The following TTLL5 variants were observed in gnomAD, a reference collection of about 807,000 sequenced individuals.
The protein encoded by TTLL5 is tubulin tyrosine ligase like 5.
In TTLL5, 132 loss-of-function variants were observed where a neutral mutation model predicts 168.4. The observed-to-expected ratio is 0.78, with a 90% CI of 0.68 to 0.91. TTLL5 has a LOEUF of 0.91. Ranked by LOEUF, TTLL5 falls within the 40% of genes least tolerant of loss-of-function variation. The pLI, the probability that TTLL5 is intolerant of heterozygous loss-of-function variation, is 0.00. For synonymous variants in TTLL5, 546 were observed against 558.6 expected (o/e 0.98, Z 0.32); for missense variants, 1,545 against 1,581.5 (o/e 0.98, Z 0.39).
intron 29 of TTLL5, among the ~76,000 whole-genome samples, chr14:75,864,379 A>G (rs927651196): frequency 6.6e-6 from 1 of 152,224 alleles, no homozygotes; most frequent in African/African-American, 2.4e-5. Context: ...AATGATAGCT[A>G]TTCATTCAAC....
chr14:75,796,427 A>C (rs2140358277), intron 27 of TTLL5, among the ~76,000 whole-genome samples: 1 of 152,110 alleles, frequency 6.6e-6, no homozygotes, highest in East Asian at 1.9e-4. Context: ...TTTTAGTTTA[A>C]TTAAATTCTA....
At chr14:75,917,783 G>A (rs993167176) in intron 31 of TTLL5, among the ~76,000 whole-genome samples, 9 of 152,212 alleles carry the variant, frequency 5.9e-5, no homozygotes, top group Non-Finnish European at 1.3e-4. Context: ...TGCAGCAGAG[G>A]GTGGAGCTGA....
At chr14:75,664,908 G>C (rs1401762608) in intron 2 of TTLL5, among the ~76,000 whole-genome samples, 1 of 152,136 alleles carries the variant, frequency 6.6e-6, no homozygotes, top group Non-Finnish European at 1.5e-5. Context: ...ATGTTAGATT[G>C]AACTATATGA....
chr14:75,732,486 T>C, intron 13 of TTLL5, 67 bp downstream of exon 13: 3 of 1,357,868 alleles, frequency 2.2e-6, no homozygotes, highest in Non-Finnish European at 3.1e-6. Context: ...TTTTTTTTTT[T>C]TGATCATTTC....
chr14:75,868,169 A>T (rs949065839), intron 29 of TTLL5, among the ~76,000 whole-genome samples: 49 of 151,638 alleles, frequency 3.2e-4, no homozygotes, highest in African/African-American at 1.2e-3. Flanking sequence ...CTCCCAACCC[A>T]CTCCCTGCTT....
At chr14:75,811,156 A>AGAGAGTGT (rs60194482) in intron 27 of TTLL5, among the ~76,000 whole-genome samples, 2,513 of 116,584 alleles carry the variant, frequency 0.022, 74 homozygotes, top group East Asian at 0.12. Context: ...TGAAAGAAAG[A>AGAGAGTGT]GTGTGTGTGT....
At chr14:75,817,988 C>A (rs1466236732) in intron 27 of TTLL5, among the ~76,000 whole-genome samples, 1 of 151,722 alleles carries the variant, frequency 6.6e-6, no homozygotes, top group Non-Finnish European at 1.5e-5. Flanking sequence ...CAGGTGCCCG[C>A]CACCACGCCC....
intron 27 of TTLL5, among the ~76,000 whole-genome samples, chr14:75,793,956 G>A (rs757019641): frequency 6.6e-5 from 10 of 152,056 alleles, no homozygotes; most frequent in Non-Finnish European, 1.2e-4. Context: ...ATCAAGTCTC[G>A]AAAAAAGTGA....
At chr14:75,872,001 A>G (rs2031075873) in intron 29 of TTLL5, among the ~76,000 whole-genome samples, 2 of 152,262 alleles carry the variant, frequency 1.3e-5, no homozygotes, top group South Asian at 4.1e-4. Flanking sequence ...CGTTAGGAGA[A>G]CGGGGCCCTG....
intron 27 of TTLL5, among the ~76,000 whole-genome samples, chr14:75,812,839 C>G (rs1222707831): frequency 6.6e-6 from 1 of 152,086 alleles, no homozygotes; most frequent in Non-Finnish European, 1.5e-5. Flanking sequence ...CTTGAAAATG[C>G]AAATTTTGGT....
In TTLL5 at chr14:75,902,313, C is replaced by A. The variant is rs142299976; in HGVS notation, c.3823+89C>A. 963 of 1,313,838 alleles carry A rather than the reference C, an allele frequency of 7.3e-4. 4 individuals carry two copies. In the East Asian group the frequency reaches 9.5e-3, roughly 13 times the overall value. 81.4% of individuals were successfully genotyped at this position (1,313,838 alleles called of 1,614,324 possible). A position where few individuals can be genotyped will look rare whatever the true frequency, so the allele number is the denominator to read the frequency against. On this transcript the variant is annotated intron_variant, in intron 31 of 31. Coordinates refer to ENST00000298832, the MANE Select transcript of TTLL5 (RefSeq NM_015072.5). ...TTCTCTCTTCTGCCTCCAAAGAGAGCCCCAGTTCAAAGAATGAAACATCTA... is the reference window on the plus strand; with the variant it reads ...TTCTCTCTTCTGCCTCCAAAGAGAGACCCAGTTCAAAGAATGAAACATCTA...
At chr14:75,942,266 G>A (rs1191618413) in intron 31 of TTLL5, among the ~76,000 whole-genome samples, 6 of 152,154 alleles carry the variant, frequency 3.9e-5, no homozygotes, top group African/African-American at 4.8e-5. Flanking sequence ...ACAGATTGCC[G>A]CTTACCACAT....
intron 5 of TTLL5, among the ~76,000 whole-genome samples, chr14:75,686,485 A>G (rs1185782119): frequency 6.6e-6 from 1 of 152,176 alleles, no homozygotes; most frequent in Non-Finnish European, 1.5e-5. Flanking sequence ...GCTAGTGATG[A>G]TAAGAGTTCC....
chr14:75,942,054 G>A (rs1020648527), intron 31 of TTLL5, among the ~76,000 whole-genome samples: 2 of 151,780 alleles, frequency 1.3e-5, no homozygotes, highest in Non-Finnish European at 2.9e-5. Context: ...GTGGTGGCTG[G>A]TGCCTGTAGT....
At chr14:75,694,078 T>C (rs1885651347) in intron 6 of TTLL5, among the ~76,000 whole-genome samples, 1 of 152,222 alleles carries the variant, frequency 6.6e-6, no homozygotes, top group Non-Finnish European at 1.5e-5. Flanking sequence ...CTGTAGGAAC[T>C]GGAAAGCACT....
At chr14:75,872,856 A>G (rs188269350) in intron 29 of TTLL5, among the ~76,000 whole-genome samples, 6 of 150,404 alleles carry the variant, frequency 4.0e-5, no homozygotes, top group African/African-American at 1.5e-4. Flanking sequence ...GGTTGCAGTG[A>G]GCCAAGATCG....
At chr14:75,901,667 C>T (rs765995465) in intron 30 of TTLL5, among the ~76,000 whole-genome samples, 3 of 152,194 alleles carry the variant, frequency 2.0e-5, no homozygotes, top group Admixed American at 2.0e-4. Context: ...GTTGGGTGTC[C>T]CTGGTTGGCT....
intron 30 of TTLL5, among the ~76,000 whole-genome samples, chr14:75,901,452 CTG>C (rs2032917885): frequency 6.6e-6 from 1 of 152,210 alleles, no homozygotes; most frequent in Non-Finnish European, 1.5e-5. Context: ...CAGATATACT[CTG>C]TCATATCTCT....
chr14:75,774,948 C>T (rs751069646), intron 21 of TTLL5, among the ~76,000 whole-genome samples: 2 of 152,098 alleles, frequency 1.3e-5, no homozygotes, highest in Non-Finnish European at 2.9e-5. Flanking sequence ...CTCAGCTTCC[C>T]AAATTGCTAG....
Sources: allele counts gnomAD v4.1 joint callset (sites outside exome capture counted in the v4.1 genomes callset), GRCh38; gene constraint gnomAD v4.1.1; transcripts MANE v1.5; gene names NCBI Gene and HGNC (gene_info 2026-07-23, HGNC 2026-07-21).